The following MATN2 variants were observed in gnomAD, a reference collection of about 807,000 sequenced individuals.
MATN2 encodes the protein matrilin 2.
In MATN2, 69 loss-of-function variants were observed where a neutral mutation model predicts 103.2. That is an observed-to-expected ratio of 0.67 (90% CI 0.55 to 0.82). The LOEUF (loss-of-function observed/expected upper bound fraction) is 0.82. MATN2 is among the 40% of genes least tolerant of loss of function. MATN2 has a pLI of 0.00. For missense variants in MATN2, 1,023 were observed against 1,211.5 expected (o/e 0.84, Z 2.31); for synonymous variants, 429 against 450.2 (o/e 0.95, Z 0.60).
intron 1 of MATN2, among the ~76,000 whole-genome samples, chr8:97,882,143 C>T (rs913313848): frequency 2.0e-5 from 3 of 151,472 alleles, no homozygotes; most frequent in African/African-American, 7.3e-5. Context: ...AGGCTGGTCT[C>T]AAACTTCTGA....
chr8:97,965,904 A>G (rs1226107166), intron 5 of MATN2, among the ~76,000 whole-genome samples: 1 of 151,976 alleles, frequency 6.6e-6, no homozygotes, highest in Non-Finnish European at 1.5e-5. Context: ...GAATCGCTTG[A>G]ACCTGGGAGG....
At chr8:97,875,114 T>A (rs1181195359) in intron 1 of MATN2, among the ~76,000 whole-genome samples, 1 of 152,160 alleles carries the variant, frequency 6.6e-6, no homozygotes, top group Non-Finnish European at 1.5e-5. Flanking sequence ...GCAACCTTAA[T>A]TCCCTTTGCC....
chr8:97,984,033 G>C (rs1812115809), intron 6 of MATN2, among the ~76,000 whole-genome samples: 2 of 152,216 alleles, frequency 1.3e-5, no homozygotes, highest in Admixed American at 1.3e-4. Context: ...AACATACTGA[G>C]TGCCACTACC....
intron 5 of MATN2, among the ~76,000 whole-genome samples, chr8:97,969,247 G>A: frequency 6.6e-6 from 1 of 152,222 alleles, no homozygotes; most frequent in Non-Finnish European, 1.5e-5. Context: ...CTTCCCACCA[G>A]GGTCCACCTG....
At chr8:97,922,347 T>C (rs977640629) in intron 2 of MATN2, among the ~76,000 whole-genome samples, 1 of 152,240 alleles carries the variant, frequency 6.6e-6, no homozygotes, top group African/African-American at 2.4e-5. Flanking sequence ...AGTGCAGTTT[T>C]ACCTGGAAGC....
intron 3 of MATN2, among the ~76,000 whole-genome samples, chr8:97,933,736 G>T (rs576309258): frequency 6.6e-6 from 1 of 152,174 alleles, no homozygotes; most frequent in Non-Finnish European, 1.5e-5. Flanking sequence ...TGAATCCCCT[G>T]TGAGTCCCCC....
rs1168257926 is a variant in MATN2 at position 98,036,423 on chromosome 8, C to T, written c.*711C>T. The stretch of plus-strand genomic sequence containing the variant: ...GGTAAGGATGTGGAAATGTGAGGTT[C>T]TTGTAGTAAGAATGCAAATGGCACT... On this transcript the variant is annotated 3_prime_UTR_variant, in exon 19 of 19. Coordinates refer to ENST00000254898, the MANE Select transcript of MATN2 (RefSeq NM_002380.5). The T allele has an allele frequency of 6.6e-6, 1 of 151,970 alleles. No individual in the cohort carries two copies. The highest frequency in any genetic ancestry group is 2.4e-5 in the African/African-American group (1 of 41,242). 9.4% of individuals were successfully genotyped at this position (151,970 alleles called of 1,614,324 possible).
chr8:97,902,432 G>A (rs1382867937), intron 2 of MATN2, among the ~76,000 whole-genome samples: 1 of 151,116 alleles, frequency 6.6e-6, no homozygotes, highest in African/African-American at 2.4e-5. Flanking sequence ...AGGAGGTGGA[G>A]GTTGCAGTGA....
chr8:97,901,564 T>C (rs1333935318), intron 2 of MATN2, among the ~76,000 whole-genome samples: 1 of 152,192 alleles, frequency 6.6e-6, no homozygotes, highest in Non-Finnish European at 1.5e-5. Context: ...TGATATACTA[T>C]TTTGTTTCAT....
intron 2 of MATN2, among the ~76,000 whole-genome samples, chr8:97,911,992 T>TGCGGAAGAA (rs1455628075): frequency 6.6e-6 from 1 of 152,186 alleles, no homozygotes; most frequent in Non-Finnish European, 1.5e-5. Flanking sequence ...GTCCCCATCT[T>TGCGGAAGAA]GCGGAAGAGG....
intron 3 of MATN2, among the ~76,000 whole-genome samples, chr8:97,940,833 C>T (rs189870377): frequency 1.6e-4 from 25 of 152,096 alleles, no homozygotes; most frequent in African/African-American, 6.0e-4. Flanking sequence ...TATGCAGGAA[C>T]CAATGTACCA....
At chr8:97,869,495 C>A (rs996398066) in intron 1 of MATN2, among the ~76,000 whole-genome samples, 4 of 152,122 alleles carry the variant, frequency 2.6e-5, no homozygotes, top group African/African-American at 9.7e-5. Context: ...GCTGCCCGAC[C>A]CCTCGGCCGG....
intron 5 of MATN2, among the ~76,000 whole-genome samples, chr8:97,966,638 C>A (rs1405528582): frequency 6.6e-6 from 1 of 151,932 alleles, no homozygotes; most frequent in African/African-American, 2.4e-5. Flanking sequence ...AGGTTAGACA[C>A]CACAAGGACA....
In MATN2 at chr8:98,030,580, G is replaced by GAT. The variant is rs1392176496; in HGVS notation, c.2477_2478dup (p.Ser827Ter). On this transcript the variant is annotated frameshift_variant, in exon 15 of 19. Coordinates refer to ENST00000254898, the MANE Select transcript of MATN2 (RefSeq NM_002380.5). LOFTEE classifies it high-confidence loss of function. ...CCGAAGACTTCAGCACAATGGATGA[G>GAT]ATAAGTGAAAAACTCAAGAAAGGCA... The GAT allele has an allele frequency of 6.2e-7, 1 of 1,613,950 alleles. No homozygotes were observed. Among genetic ancestry groups the GAT allele is most frequent in the East Asian group, 2.2e-5 (1 of 44,882 alleles).
chr8:97,953,793 CAA>C (rs71271176), intron 4 of MATN2, among the ~76,000 whole-genome samples: 2 of 119,530 alleles, frequency 1.7e-5, no homozygotes, highest in Admixed American at 9.1e-5. Flanking sequence ...TCCATCTCAC[CAA>C]AAAAAAAAAA....
chr8:98,008,404 C>T (rs1335252648), intron 10 of MATN2, among the ~76,000 whole-genome samples: 2 of 152,194 alleles, frequency 1.3e-5, no homozygotes, highest in African/African-American at 2.4e-5. Context: ...TTATCTTCCC[C>T]AGCCTGCTGG....
chr8:97,877,368 T>A (rs1040250971), intron 1 of MATN2, among the ~76,000 whole-genome samples: 2 of 151,780 alleles, frequency 1.3e-5, no homozygotes, highest in Admixed American at 6.6e-5. Flanking sequence ...TCCCAGCTAC[T>A]CTGGAGGCTG....
At chr8:97,974,210 C>G (rs1392773791) in intron 5 of MATN2, among the ~76,000 whole-genome samples, 1 of 151,950 alleles carries the variant, frequency 6.6e-6, no homozygotes, top group Non-Finnish European at 1.5e-5. Flanking sequence ...ACAATCTCAG[C>G]TCACTGCAAC....
intron 2 of MATN2, among the ~76,000 whole-genome samples, chr8:97,917,697 G>A (rs1383479584): frequency 2.6e-5 from 4 of 152,116 alleles, no homozygotes; most frequent in African/African-American, 9.7e-5. Context: ...CCTCCATCTG[G>A]GTGTACATTG....
Sources: allele counts gnomAD v4.1 joint callset (sites outside exome capture counted in the v4.1 genomes callset), GRCh38; gene constraint gnomAD v4.1.1; transcripts MANE v1.5; gene names NCBI Gene and HGNC (gene_info 2026-07-23, HGNC 2026-07-21).